ATP9B: variants seen among roughly 807,000 people sequenced by gnomAD.
ATP9B encodes the protein ATPase phospholipid transporting 9B.
Under a neutral mutation model 146.1 loss-of-function variants are expected in ATP9B, and 110 were observed. That is an observed-to-expected ratio of 0.75 (90% CI 0.65 to 0.88). ATP9B has a LOEUF of 0.88. ATP9B is among the 40% of genes least tolerant of loss of function. The pLI is 0.00. For missense variants in ATP9B, 1,499 were observed against 1,496.4 expected (o/e 1.00, Z -0.03); for synonymous variants, 604 against 569.7 (o/e 1.06, Z -0.86).
At chr18:79,071,612 C>T (rs1040369992) in intron 1 of ATP9B, among the ~76,000 whole-genome samples, 3 of 151,782 alleles carry the variant, frequency 2.0e-5, no homozygotes, top group Non-Finnish European at 2.9e-5. Context: ...CTCAAGTGAT[C>T]CTCCTGTGTC....
intron 4 of ATP9B, among the ~76,000 whole-genome samples, chr18:79,125,043 G>A (rs2094258573): frequency 6.6e-6 from 1 of 152,188 alleles, no homozygotes; most frequent in Non-Finnish European, 1.5e-5. Context: ...AATGCACAGA[G>A]GAATGGGAAG....
In ATP9B at chr18:79,298,558, C is replaced by G. The variant is rs1187388164; in HGVS notation, c.1412-5046C>G. On this transcript the variant is annotated intron_variant, in intron 13 of 29. Transcript: ENST00000426216. ...TTCGATATTCAGTTTAATTCAGTTTCTGTCAAGATTTGTTTTGTAGGTAAG... is the reference window on the plus strand; with the variant it reads ...TTCGATATTCAGTTTAATTCAGTTTGTGTCAAGATTTGTTTTGTAGGTAAG... Among the ~76,000 whole-genome samples the G allele has an allele frequency of 2.7e-5, 4 of 146,826 alleles. 1 individual carries two copies. The highest frequency in any genetic ancestry group is 7.5e-5 in the African/African-American group (3 of 39,924).
chr18:79,207,082 C>G, intron 10 of ATP9B, 70 bp downstream of exon 10: 2 of 1,454,474 alleles, frequency 1.4e-6, no homozygotes, highest in South Asian at 1.2e-5. Context: ...TCCAGGGACT[C>G]CAAACAAGGG....
chr18:79,129,437 G>T (rs937115948), intron 5 of ATP9B, among the ~76,000 whole-genome samples: 2 of 152,170 alleles, frequency 1.3e-5, no homozygotes, highest in East Asian at 3.9e-4. Flanking sequence ...CTTCAGTGAG[G>T]CTGCCGCACA....
chr18:79,368,461 A>G (rs901072740), intron 26 of ATP9B, among the ~76,000 whole-genome samples: 3 of 152,168 alleles, frequency 2.0e-5, no homozygotes, highest in Non-Finnish European at 2.9e-5. Context: ...AAACCAGCCC[A>G]TGTCTGCGCC....
At chr18:79,189,262 G>T (rs6506739) in intron 8 of ATP9B, among the ~76,000 whole-genome samples, 1 of 151,706 alleles carries the variant, frequency 6.6e-6, no homozygotes, top group Non-Finnish European at 1.5e-5. Flanking sequence ...CCAGAGAATC[G>T]CTTGAACCTG....
intron 2 of ATP9B, 104 bp from the exon 3 acceptor site, chr18:79,110,251 T>C: frequency 1.7e-6 from 2 of 1,144,862 alleles, no homozygotes; most frequent in Non-Finnish European, 2.3e-6. Context: ...TAGTGTGTGG[T>C]GAATACAGAA....
chr18:79,333,757 G>T (rs969663259), intron 17 of ATP9B, among the ~76,000 whole-genome samples: 9 of 152,154 alleles, frequency 5.9e-5, no homozygotes, highest in Admixed American at 1.3e-4. Context: ...CACCTCTGCG[G>T]GCTCATTGCG....
intron 8 of ATP9B, among the ~76,000 whole-genome samples, chr18:79,190,613 G>A (rs2095356875): frequency 6.6e-6 from 1 of 151,704 alleles, no homozygotes; most frequent in Non-Finnish European, 1.5e-5. Flanking sequence ...GTGCGATCTC[G>A]GCTCACTGCA....
intron 2 of ATP9B, among the ~76,000 whole-genome samples, chr18:79,101,957 T>C (rs975535316): frequency 6.6e-6 from 1 of 152,164 alleles, no homozygotes; most frequent in South Asian, 2.1e-4. Flanking sequence ...TTTTTTTTCT[T>C]TTTTTTGAGA....
intron 13 of ATP9B, among the ~76,000 whole-genome samples, chr18:79,294,555 G>A (rs7231640): frequency 0.013 from 1,977 of 152,350 alleles, 51 homozygotes; most frequent in African/African-American, 0.045. Context: ...TTTCAAGGAA[G>A]AAAGAGATGG....
intron 11 of ATP9B, among the ~76,000 whole-genome samples, chr18:79,229,651 A>G (rs2095770852): frequency 6.6e-6 from 1 of 152,204 alleles, no homozygotes; most frequent in Non-Finnish European, 1.5e-5. Flanking sequence ...CAGACACGTC[A>G]GGTTACTGCT....
intron 1 of ATP9B, among the ~76,000 whole-genome samples, chr18:79,071,050 T>TTTC (rs1491532609): frequency 1.5e-4 from 8 of 54,052 alleles, no homozygotes; most frequent in Admixed American, 6.2e-4. Flanking sequence ...TTCCTGTTTC[T>TTTC]TTTTTTTTTT....
chr18:79,161,596 C>G (rs1221204201), intron 7 of ATP9B, among the ~76,000 whole-genome samples: 1 of 152,200 alleles, frequency 6.6e-6, no homozygotes, highest in Admixed American at 6.5e-5. Flanking sequence ...CGCTTGTAAT[C>G]CCAGCACTTT....
chr18:79,090,528 T>A (rs1254088997), intron 1 of ATP9B, among the ~76,000 whole-genome samples: 1 of 152,242 alleles, frequency 6.6e-6, no homozygotes, highest in Non-Finnish European at 1.5e-5. Context: ...TGATCAGCGA[T>A]GTCGAACACC....
intron 11 of ATP9B, among the ~76,000 whole-genome samples, chr18:79,234,354 C>T (rs954867278): frequency 1.1e-4 from 17 of 152,188 alleles, no homozygotes; most frequent in African/African-American, 3.6e-4. Flanking sequence ...TTTCCCATTC[C>T]GAGTTCCATG....
intron 11 of ATP9B, among the ~76,000 whole-genome samples, chr18:79,215,403 C>A (rs148815572): frequency 6.6e-6 from 1 of 152,012 alleles, no homozygotes; most frequent in Non-Finnish European, 1.5e-5. Flanking sequence ...CTGATAGAAC[C>A]CCAGATATCT....
intron 11 of ATP9B, among the ~76,000 whole-genome samples, chr18:79,245,359 A>G (rs1011278408): frequency 6.6e-6 from 1 of 152,228 alleles, no homozygotes; most frequent in Non-Finnish European, 1.5e-5. Context: ...TATTGAAGGA[A>G]TTATTTTAAA....
At chr18:79,302,484 A>G (rs1403651129) in intron 13 of ATP9B, among the ~76,000 whole-genome samples, 1 of 152,134 alleles carries the variant, frequency 6.6e-6, no homozygotes, top group African/African-American at 2.4e-5. Context: ...AAAGCACCAC[A>G]CATCGCAGCA....
Sources: gnomAD v4.1 joint callset for allele counts (sites outside exome capture counted in the v4.1 genomes callset) on GRCh38, gnomAD v4.1.1 for gene constraint, MANE v1.5 for transcripts, NCBI Gene and HGNC (gene_info 2026-07-23, HGNC 2026-07-21) for gene names.